The following FAM227B variants were observed in gnomAD, a reference collection of about 807,000 sequenced individuals.
FAM227B encodes the protein protein FAM227B.
In FAM227B, 88 loss-of-function variants were observed where a neutral mutation model predicts 73.8. The observed-to-expected ratio is 1.19, with a 90% CI of 1.00 to 1.42. FAM227B has a LOEUF of 1.42. FAM227B is among the 40% of genes most tolerant of loss of function. The probability of loss-of-function intolerance (pLI) is 0.00; values close to 1 mark genes in which losing one functional copy is unlikely to be tolerated. For missense variants in FAM227B, 632 were observed against 590.9 expected (o/e 1.07, Z -0.72); for synonymous variants, 210 against 190.5 (o/e 1.10, Z -0.84).
chr15:49,422,866 AAAG>A (rs2049805314), intron 11 of FAM227B, among the ~76,000 whole-genome samples: 1 of 152,232 alleles, frequency 6.6e-6, no homozygotes, highest in Admixed American at 6.5e-5. Context: ...TTCTGAGCAC[AAAG>A]AAGTAATTGA....
intron 4 of FAM227B, among the ~76,000 whole-genome samples, chr15:49,588,444 T>A (rs2076304779): frequency 6.7e-6 from 1 of 149,392 alleles, no homozygotes; most frequent in African/African-American, 2.5e-5. Flanking sequence ...TTCAATAAAG[T>A]GCAGTACTGT....
At chr15:49,433,444 T>C (rs565948366) in intron 11 of FAM227B, among the ~76,000 whole-genome samples, 1 of 151,794 alleles carries the variant, frequency 6.6e-6, no homozygotes, top group Non-Finnish European at 1.5e-5. Context: ...ATATTTATCC[T>C]TTAATTTATT....
chr15:49,327,842 G>T lies in FAM227B; in HGVS notation c.*726C>A. The T allele has an allele frequency of 1.0e-6, 1 of 970,296 alleles. No homozygotes were observed. The highest frequency in any genetic ancestry group is 1.5e-6 in the Non-Finnish European group (1 of 666,118). 60.1% of individuals were successfully genotyped at this position (970,296 alleles called of 1,614,324 possible). On this transcript the variant is annotated 3_prime_UTR_variant, in exon 16 of 16. Transcript: ENST00000299338. The stretch of plus-strand genomic sequence containing the variant: ...ATGTTTGATGACACCTAAAAACCCC[G>T]CATGTATTTTCTTCTTAGAACTTAG...
chr15:49,591,044 G>A (rs151178804), intron 3 of FAM227B, among the ~76,000 whole-genome samples: 1 of 45,992 alleles, frequency 2.2e-5, no homozygotes, highest in East Asian at 6.7e-4. Context: ...TTTTTTTTTT[G>A]ATTTTTTTTT....
intron 10 of FAM227B, among the ~76,000 whole-genome samples, chr15:49,536,072 CAAAAAA>C (rs59203003): frequency 2.6e-5 from 3 of 114,000 alleles, no homozygotes; most frequent in South Asian, 5.6e-4. Context: ...GGCAATCAGA[CAAAAAA>C]AAAAAAAAAA....
At chr15:49,583,727 T>C (rs973319323) in intron 5 of FAM227B, among the ~76,000 whole-genome samples, 2 of 151,240 alleles carry the variant, frequency 1.3e-5, no homozygotes, top group Admixed American at 6.6e-5. Context: ...GAGAATACTA[T>C]AAGCACCTCT....
chr15:49,552,153 C>T (rs1475055481), intron 9 of FAM227B, among the ~76,000 whole-genome samples: 1 of 152,188 alleles, frequency 6.6e-6, no homozygotes, highest in Non-Finnish European at 1.5e-5. Flanking sequence ...CTCCCTTTAG[C>T]ATTTCTTGTA....
chr15:49,506,463 T>C (rs2058591075), intron 11 of FAM227B, among the ~76,000 whole-genome samples: 1 of 152,062 alleles, frequency 6.6e-6, no homozygotes, highest in Non-Finnish European at 1.5e-5. Context: ...GCCACCTTGA[T>C]CTAATTGAGA....
chr15:49,365,631 A>C (rs938019024), intron 13 of FAM227B: 3 of 1,103,782 alleles, frequency 2.7e-6, no homozygotes, highest in African/African-American at 3.1e-5. Flanking sequence ...CAAAAAATAC[A>C]TCATAGAGGA....
chr15:49,540,370 T>C (rs1385059176), intron 10 of FAM227B, among the ~76,000 whole-genome samples: 2 of 152,202 alleles, frequency 1.3e-5, no homozygotes, highest in Admixed American at 1.3e-4. Context: ...GTCTCACATA[T>C]GCCAATCTCC....
At chr15:49,552,787 AT>A (rs1203332210) in intron 9 of FAM227B, among the ~76,000 whole-genome samples, 9 of 152,064 alleles carry the variant, frequency 5.9e-5, no homozygotes, top group Non-Finnish European at 1.0e-4. Context: ...CAGTGTGCCA[AT>A]TGCATTTTCA....
chr15:49,470,620 C>A (rs1370115673), intron 11 of FAM227B, among the ~76,000 whole-genome samples: 6 of 152,178 alleles, frequency 3.9e-5, no homozygotes, highest in African/African-American at 1.4e-4. Context: ...ACTTCTCTAA[C>A]TTCTTTTGCT....
chr15:49,404,181 T>C (rs2151647715), intron 11 of FAM227B, among the ~76,000 whole-genome samples: 1 of 152,306 alleles, frequency 6.6e-6, no homozygotes, highest in East Asian at 1.9e-4. Context: ...TGTGTTCAAT[T>C]ATATGATCAA....
chr15:49,581,318 A>G (rs1273431618), intron 5 of FAM227B, among the ~76,000 whole-genome samples: 3 of 151,790 alleles, frequency 2.0e-5, no homozygotes, highest in Non-Finnish European at 4.4e-5. Context: ...TTGGGGGCCT[A>G]TATTCAGTAT....
intron 11 of FAM227B, chr15:49,424,638 T>A: frequency 7.4e-7 from 1 of 1,347,458 alleles, no homozygotes. Context: ...ATGGATCAAT[T>A]TTCAGGTGAT....
rs572564743 is a variant in FAM227B, at chr15:49,507,728, A to G, written c.1012+483T>C. Among the ~76,000 whole-genome samples, 33 of 151,530 alleles carry G rather than the reference A, an allele frequency of 2.2e-4. No individual in the cohort carries two copies. The South Asian group carries it at 5.9e-3, about 27-fold the overall frequency. On this transcript the variant is annotated intron_variant, in intron 11 of 15. Coordinates refer to ENST00000299338, the MANE Select transcript of FAM227B (RefSeq NM_152647.3). ...ACTATTTAATAAACGGATCATTTGG[A>G]AAAAAAAAACCCATCATATTGGAAT...
chr15:49,550,677 G>A (rs1036795907), intron 9 of FAM227B, among the ~76,000 whole-genome samples: 1 of 151,204 alleles, frequency 6.6e-6, no homozygotes, highest in African/African-American at 2.4e-5. Flanking sequence ...CCACATCTCA[G>A]ACGATGGGCG....
Position 49,431,097 on chromosome 15 carries a change from A to G in FAM227B, c.1013-59698T>C, listed in dbSNP as rs184182884. On this transcript the variant is annotated intron_variant, in intron 11 of 15. Coordinates refer to ENST00000299338, the MANE Select transcript of FAM227B (RefSeq NM_152647.3). ...ATACTTTTCCATTTTTAAATTTTAT[A>G]TATCTCACAATAAAATTATGTATAC... 2.0e-3 allele frequency among the ~76,000 whole-genome samples: 307 copies of G among 151,954 alleles called. 4 individuals are homozygous for G. The highest frequency in any genetic ancestry group is 4.3e-3 in the Admixed American group (65 of 15,222).
chr15:49,601,366 TAAC>T (rs1241463545), intron 3 of FAM227B, among the ~76,000 whole-genome samples: 1 of 152,032 alleles, frequency 6.6e-6, no homozygotes, highest in Non-Finnish European at 1.5e-5. Flanking sequence ...TTTGGGATGA[TAAC>T]AACTTCATAT....
Sources: allele counts gnomAD v4.1 joint callset (sites outside exome capture counted in the v4.1 genomes callset), GRCh38; gene constraint gnomAD v4.1.1; transcripts MANE v1.5; gene names NCBI Gene and HGNC (gene_info 2026-07-23, HGNC 2026-07-21).